Variants in SUPT20H observed in about 807,000 individuals in gnomAD.
The protein encoded by SUPT20H is transcription factor SPT20 homolog.
In SUPT20H, 82 loss-of-function variants were observed where a neutral mutation model predicts 122.8. The ratio of observed to expected loss-of-function variants is 0.67; its 90% CI spans 0.56 to 0.80. The LOEUF (loss-of-function observed/expected upper bound fraction) is 0.80, where lower values mean the gene tolerates loss of function less well. Ranked by LOEUF, SUPT20H falls within the 30% of genes least tolerant of loss-of-function variation. The pLI is 0.00. For missense variants in SUPT20H, 831 were observed against 921.6 expected (o/e 0.90, Z 1.27); for synonymous variants, 291 against 313.0 (o/e 0.93, Z 0.74).
Position 37,031,789 on chromosome 13 carries a change from CCTTT to C in SUPT20H, c.810_813del (p.Arg273LysfsTer17). Reference sequence around the variant, plus strand: ...TCATAATGCTGACCTGCTTTTCTTTCCTTTCTTTTTTGTAAGAAATCAAGTAACC... The same window carrying C: ...TCATAATGCTGACCTGCTTTTCTTTCCTTTTTTGTAAGAAATCAAGTAACC... On this transcript the variant is annotated frameshift_variant, in exon 11 of 26. Coordinates refer to ENST00000350612, the MANE Select transcript of SUPT20H (RefSeq NM_001014286.3). LOFTEE classifies it high-confidence loss of function. 7 of 1,609,438 alleles carry C rather than the reference CCTTT, an allele frequency of 4.3e-6. No individual in the cohort carries two copies. Among genetic ancestry groups the C allele is most frequent in the Non-Finnish European group, 5.9e-6 (7 of 1,178,482 alleles).
chr13:37,029,871 A>G lies in SUPT20H; in HGVS notation c.922-35T>C, dbSNP rs982058199. On this transcript the variant is annotated intron_variant, in intron 12 of 25. Coordinates refer to ENST00000350612, the MANE Select transcript of SUPT20H (RefSeq NM_001014286.3). ...CAAATCAAGAAATACCACATAAAAT[A>G]GAATCCATATCAGATAAAATGGAAT... 4 of 1,500,678 alleles carry G rather than the reference A, an allele frequency of 2.7e-6. No individual in the cohort carries two copies. The African/African-American group carries it at 5.6e-5, about 21-fold the overall frequency. The allele number at this position is 1,500,678 out of a possible 1,614,324, so 93.0% of individuals were successfully genotyped here.
intron 23 of SUPT20H, among the ~76,000 whole-genome samples, chr13:37,014,809 A>G (rs570681351): frequency 7.2e-5 from 11 of 152,350 alleles, no homozygotes; most frequent in African/African-American, 2.4e-4. Flanking sequence ...CCAAGAAAAC[A>G]TTCCAGAAAT....
At position 37,021,474 on chromosome 13, in the gene SUPT20H, C is replaced by T. The variant is rs2061452313; in HGVS notation, c.1790G>A (p.Ser597Asn). Residue 597 changes from serine to asparagine, a missense_variant, in exon 21 of 26, where the codon AGT becomes AAT. Ser to Asn is a conservative substitution (Grantham distance 46, BLOSUM62 1). Coordinates refer to ENST00000350612, the MANE Select transcript of SUPT20H (RefSeq NM_001014286.3). ...SGGLLPNALP[S>N]AMQAASQAGV... The stretch of plus-strand genomic sequence containing the variant: ...TGCTTGAGAAGCTGCCTGCATTGCA[C>T]TGGGCAGTGCATTTGGTAGCAGACC... 1.2e-6 allele frequency: 2 copies of T among 1,613,520 alleles called. No individual in the cohort carries two copies. Among genetic ancestry groups the T allele is most frequent in the Admixed American group, 3.3e-5 (2 of 59,938 alleles).
intron 20 of SUPT20H, 102 bp downstream of exon 20, chr13:37,021,909 G>T: frequency 7.5e-7 from 1 of 1,337,810 alleles, no homozygotes; most frequent in South Asian, 1.5e-5. Flanking sequence ...TTTTCAGTCT[G>T]AGTAATATGC....
rs1158611588 is a variant in SUPT20H at position 37,051,884 on chromosome 13, C to A, written c.-93-301G>T. ...AGAAAAAAAATACATTTTTTAAAATCTCTTCTCTATCACTACTGTTGCTAT... is the reference window on the plus strand; with the variant it reads ...AGAAAAAAAATACATTTTTTAAAATATCTTCTCTATCACTACTGTTGCTAT... On this transcript the variant is annotated intron_variant, in intron 1 of 25. Coordinates refer to ENST00000350612, the MANE Select transcript of SUPT20H (RefSeq NM_001014286.3). 2.0e-5 allele frequency among the ~76,000 whole-genome samples: 3 copies of A among 152,112 alleles called. 1 individual carries two copies. Among genetic ancestry groups the A allele is most frequent in the Admixed American group, 2.0e-4 (3 of 15,260 alleles).
rs1452596622 is a variant in SUPT20H, at chr13:37,022,447, A to C, written c.1592-367T>G. 7.7e-7 allele frequency: 1 copy of C among 1,306,344 alleles called. No individual in the cohort carries two copies. The highest frequency in any genetic ancestry group is 9.7e-7 in the Non-Finnish European group (1 of 1,030,478). 80.9% of individuals were successfully genotyped at this position (1,306,344 alleles called of 1,614,324 possible). A position where few individuals can be genotyped will look rare whatever the true frequency, so the allele number is the denominator to read the frequency against. ...TTTTTTTTTTTAGCAGTTAACTGCA[A>C]GTGTTAATTTCTACACATGATACAT... On this transcript the variant is annotated intron_variant, in intron 19 of 25. Coordinates refer to ENST00000350612, the MANE Select transcript of SUPT20H (RefSeq NM_001014286.3). The surrounding 1 kb of genome is among the most constrained non-coding windows in gnomAD (Gnocchi z 4.5).
chr13:37,015,314 C>T (rs546829729), intron 23 of SUPT20H, among the ~76,000 whole-genome samples: 3 of 149,482 alleles, frequency 2.0e-5, no homozygotes, highest in Admixed American at 2.0e-4. Context: ...AAAAATTAAT[C>T]TGAAAAAAAA....
At chr13:37,048,662 A>G in intron 2 of SUPT20H, 63 bp from the exon 3 acceptor site, 1 of 1,414,904 alleles carries the variant, frequency 7.1e-7, no homozygotes. Context: ...TTTAATATAC[A>G]TTTAACATTT....
At chr13:37,055,080 AAGG>A (rs2068625990) in intron 1 of SUPT20H, among the ~76,000 whole-genome samples, 1 of 152,224 alleles carries the variant, frequency 6.6e-6, no homozygotes, top group Admixed American at 6.5e-5. Flanking sequence ...GGACCTCTTC[AAGG>A]AGAACTACAA....
At position 37,009,314 on chromosome 13, in the gene SUPT20H, T is replaced by A; in HGVS notation, c.*358A>T. Reference sequence around the variant, plus strand: ...AACCCAAATAAACAGCCACCACATTTTCAAAACAGATTTGTAAAAATTGTA... The same window carrying A: ...AACCCAAATAAACAGCCACCACATTATCAAAACAGATTTGTAAAAATTGTA... On this transcript the variant is annotated 3_prime_UTR_variant, in exon 26 of 26. Coordinates refer to ENST00000350612, the MANE Select transcript of SUPT20H (RefSeq NM_001014286.3). 3 of 1,415,580 alleles carry A rather than the reference T, an allele frequency of 2.1e-6. No individual in the cohort carries two copies. Among genetic ancestry groups the A allele is most frequent in the Non-Finnish European group, 3.0e-6 (3 of 1,004,642 alleles). The allele number at this position is 1,415,580 out of a possible 1,614,324, so 87.7% of individuals were successfully genotyped here.
intron 23 of SUPT20H, among the ~76,000 whole-genome samples, chr13:37,015,760 C>T (rs951243189): frequency 6.6e-5 from 10 of 151,972 alleles, no homozygotes; most frequent in Admixed American, 2.0e-4. Flanking sequence ...TTACAATAGC[C>T]GAAAGGTGGA....
At chr13:37,021,412 AT>A (rs769306422) in intron 21 of SUPT20H, 35 bp downstream of exon 21, 17 of 1,545,784 alleles carry the variant, frequency 1.1e-5, no homozygotes, top group Admixed American at 3.9e-5. Context: ...ATATACTTTA[AT>A]TTTTTTTAGA....
chr13:37,044,870 A>G (rs376379204), intron 6 of SUPT20H, among the ~76,000 whole-genome samples: 11 of 152,310 alleles, frequency 7.2e-5, no homozygotes, highest in African/African-American at 1.9e-4. Flanking sequence ...ACGGTATGCT[A>G]TCTTAAAATA....
chr13:37,021,428 A>G lies in SUPT20H; in HGVS notation c.1816+20T>C. On this transcript the variant is annotated intron_variant, in intron 21 of 25. Transcript: ENST00000350612. ...TATACTTTAATTTTTTTTAGAGGTT[A>G]TTATTTCCAACATTCTGACCTGCTT... 1.3e-6 allele frequency: 2 copies of G among 1,570,974 alleles called. No individual in the cohort carries two copies. Among genetic ancestry groups the G allele is most frequent in the Non-Finnish European group, 1.7e-6 (2 of 1,156,842 alleles).
At chr13:37,011,558 C>A (rs1346503036) in intron 24 of SUPT20H, among the ~76,000 whole-genome samples, 1 of 152,090 alleles carries the variant, frequency 6.6e-6, no homozygotes, top group African/African-American at 2.4e-5. Context: ...ATATGGCTTA[C>A]TCTTTTAATT....
At chr13:37,033,396 A>C in intron 10 of SUPT20H, 53 bp downstream of exon 10, 1 of 1,585,412 alleles carries the variant, frequency 6.3e-7, no homozygotes. Flanking sequence ...TATAAATAGC[A>C]AAATTTATAG....
intron 9 of SUPT20H, among the ~76,000 whole-genome samples, chr13:37,037,618 T>C (rs1255087298): frequency 6.6e-6 from 1 of 152,162 alleles, no homozygotes; most frequent in Non-Finnish European, 1.5e-5. Context: ...ACAAAACCTA[T>C]AGGGTCATAA....
rs367720259 is a variant in SUPT20H at position 37,048,539 on chromosome 13, A to G, written c.39+25T>C. On this transcript the variant is annotated intron_variant, in intron 3 of 25. Transcript: ENST00000350612. Reference sequence around the variant, plus strand: ...TGTCAATTAAAGACAACACTATTTCAATATGTAACTTAGTCACACCTCACC... The same window carrying G: ...TGTCAATTAAAGACAACACTATTTCGATATGTAACTTAGTCACACCTCACC... 29 of 1,563,334 alleles carry G rather than the reference A, an allele frequency of 1.9e-5. No homozygotes were observed. The Middle Eastern group carries it at 6.8e-4, about 37-fold the overall frequency.
In SUPT20H at chr13:37,057,815, A is replaced by G. The variant is rs190520460; in HGVS notation, c.-94+1744T>C. 1.2e-3 allele frequency among the ~76,000 whole-genome samples: 180 copies of G among 152,130 alleles called. 1 individual carries two copies. Among genetic ancestry groups the G allele is most frequent in the African/African-American group, 4.2e-3 (175 of 41,502 alleles). On this transcript the variant is annotated intron_variant, in intron 1 of 25. Transcript: ENST00000350612. The stretch of plus-strand genomic sequence containing the variant: ...ATGGCGAAACCCCGTCTCTACTAAA[A>G]ACACAAAAATCAGCCGGGTGTGGTG...
Sources: gnomAD v4.1 joint callset for allele counts (sites outside exome capture counted in the v4.1 genomes callset) on GRCh38, gnomAD v4.1.1 for gene constraint, Gnocchi (gnomAD v3.1) non-coding constraint, MANE v1.5 for transcripts, NCBI Gene and HGNC (gene_info 2026-07-23, HGNC 2026-07-21) for gene names.